Variants in NNMT observed in about 807,000 individuals in gnomAD.
NNMT encodes the protein nicotinamide N-methyltransferase.
Under a neutral mutation model 11.7 loss-of-function variants are expected in NNMT, and 10 were observed. The observed-to-expected ratio is 0.85, with a 90% CI of 0.53 to 1.45. The LOEUF is 1.45. NNMT is among the 40% of genes most tolerant of loss of function. The probability of loss-of-function intolerance (pLI) is 0.00; values close to 1 mark genes in which losing one functional copy is unlikely to be tolerated. For synonymous variants in NNMT, 143 were observed against 133.8 expected, an observed-to-expected ratio of 1.07 and a Z score of -0.48; for missense variants, 381 against 319.4, an observed-to-expected ratio of 1.19 and a Z score of -1.47.
upstream of NNMT, among the ~76,000 whole-genome samples, chr11:114,295,140 G>A (rs554819061): frequency 2.8e-4 from 42 of 152,286 alleles, 1 homozygote; most frequent in African/African-American, 9.1e-4. Flanking sequence ...TTGAGGAATG[G>A]GCCAACTGGT....
At chr11:114,277,876 G>A (rs1326325643) in intron 2 of NNMT, among the ~76,000 whole-genome samples, 1 of 152,146 alleles carries the variant, frequency 6.6e-6, no homozygotes, top group South Asian at 2.1e-4. Flanking sequence ...GCCCAGGGTT[G>A]GTCCTCATGC....
Position 114,296,515 on chromosome 11 carries a change from G to T in NNMT, c.-42G>T. The T allele has an allele frequency of 6.2e-7, 1 of 1,601,146 alleles. No individual in the cohort carries two copies. Among genetic ancestry groups the T allele is most frequent in the South Asian group, 1.1e-5 (1 of 89,910 alleles). On this transcript the variant is annotated 5_prime_UTR_variant, in exon 1 of 3. Coordinates refer to ENST00000299964, the MANE Select transcript of NNMT (RefSeq NM_006169.3). ...GTCACTCCCTGGCTTCTGGAGGAAA[G>T]AGAAGGAGGGCAGTGCTCCAGTGGT...
chr11:114,280,995 G>A (rs1945257589), intron 2 of NNMT, among the ~76,000 whole-genome samples: 1 of 152,186 alleles, frequency 6.6e-6, no homozygotes, highest in Non-Finnish European at 1.5e-5. Flanking sequence ...TCTACATGTT[G>A]CCTCACCTCC....
At chr11:114,305,878 T>C (rs1172707971) in intron 2 of NNMT, among the ~76,000 whole-genome samples, 3 of 152,190 alleles carry the variant, frequency 2.0e-5, no homozygotes, top group African/African-American at 7.2e-5. Flanking sequence ...ATGGGATGGC[T>C]GGGTCAAATG....
At chr11:114,272,659 C>G (rs1355979632) in intron 2 of NNMT, among the ~76,000 whole-genome samples, 1 of 152,170 alleles carries the variant, frequency 6.6e-6, no homozygotes, top group Non-Finnish European at 1.5e-5. Flanking sequence ...TAGGAAGCCT[C>G]TCTCCACCTG....
At chr11:114,309,163 T>C (rs1045565530) in intron 2 of NNMT, among the ~76,000 whole-genome samples, 1 of 152,250 alleles carries the variant, frequency 6.6e-6, no homozygotes, top group African/African-American at 2.4e-5. Flanking sequence ...CACTTTATTA[T>C]TATTCCTATG....
intron 2 of NNMT, among the ~76,000 whole-genome samples, chr11:114,307,065 C>A (rs1035916377): frequency 6.6e-6 from 1 of 152,084 alleles, no homozygotes; most frequent in African/African-American, 2.4e-5. Flanking sequence ...TCAGTGATAC[C>A]TAGGAAACAT....
rs11415162 is a variant in NNMT, at chr11:114,284,764, C to CTTTT, written c.-129-11643_-129-11640dup. ...GGCGTGAGCCACTGCACCCGGCCAT[C>CTTTT]TTTTTTTTTTTTTTTTTTTTTTTTG... On this transcript the variant is annotated intron_variant, in intron 2 of 4. Coordinates refer to the NNMT transcript ENST00000535401. Among the ~76,000 whole-genome samples the CTTTT allele has an allele frequency of 3.2e-4, 29 of 90,366 alleles. 3 individuals carry two copies. The highest frequency in any genetic ancestry group is 1.1e-3 in the South Asian group (2 of 1,862). The allele number at this position is 90,366 out of a possible 152,430, so 59.3% of individuals were successfully genotyped here.
chr11:114,299,265 A>G (rs1427903834), intron 2 of NNMT, among the ~76,000 whole-genome samples: 1 of 152,214 alleles, frequency 6.6e-6, no homozygotes, highest in Non-Finnish European at 1.5e-5. Flanking sequence ...TTGGTTTTTC[A>G]TAGATATTAT....
chr11:114,298,350 G>A, intron 2 of NNMT, 192 bp downstream of exon 2: 1 of 576,584 alleles, frequency 1.7e-6, no homozygotes, highest in South Asian at 2.0e-5. Context: ...ACGTGCATGT[G>A]TGCACCAGAG....
At chr11:114,298,743 C>T (rs1051332472) in intron 2 of NNMT, among the ~76,000 whole-genome samples, 2 of 152,192 alleles carry the variant, frequency 1.3e-5, no homozygotes, top group African/African-American at 4.8e-5. Context: ...ATACTTACAA[C>T]TAATGGTCAA....
chr11:114,302,401 A>G (rs944530820), intron 2 of NNMT, among the ~76,000 whole-genome samples: 4 of 152,158 alleles, frequency 2.6e-5, no homozygotes, highest in Admixed American at 2.0e-4. Flanking sequence ...CATCCTTGAC[A>G]TATCTATTGT....
At chr11:114,284,552 C>A (rs551478467) in intron 2 of NNMT, among the ~76,000 whole-genome samples, 1 of 152,268 alleles carries the variant, frequency 6.6e-6, no homozygotes, top group Admixed American at 6.5e-5. Flanking sequence ...CAACCTCCGC[C>A]TCCTGGGTTC....
chr11:114,262,268 C>T (rs965899629), intron 1 of NNMT, among the ~76,000 whole-genome samples: 7 of 152,084 alleles, frequency 4.6e-5, no homozygotes, highest in Admixed American at 1.3e-4. Flanking sequence ...GGCAAACATG[C>T]GCCTTGGTGG....
At chr11:114,311,885 C>A (rs3741303) in intron 2 of NNMT, among the ~76,000 whole-genome samples, 160 bp from the exon 3 acceptor site, 2 of 152,082 alleles carry the variant, frequency 1.3e-5, no homozygotes, top group African/African-American at 4.8e-5. Context: ...CATTCAAATG[C>A]CAAAATGACC....
At chr11:114,277,514 TAGC>T (rs1370797124) in intron 2 of NNMT, among the ~76,000 whole-genome samples, 2 of 152,078 alleles carry the variant, frequency 1.3e-5, no homozygotes, top group Non-Finnish European at 2.9e-5. Flanking sequence ...TTGAAGGAAG[TAGC>T]AGCACATTGG....
intron 2 of NNMT, among the ~76,000 whole-genome samples, chr11:114,271,278 C>T (rs1299857370): frequency 1.3e-5 from 2 of 152,068 alleles, no homozygotes; most frequent in African/African-American, 4.8e-5. Context: ...ATGTTGCAAC[C>T]TTTTAAAATC....
At chr11:114,299,781 C>T (rs1482801885) in intron 2 of NNMT, among the ~76,000 whole-genome samples, 1 of 140,136 alleles carries the variant, frequency 7.1e-6, no homozygotes, top group Non-Finnish European at 1.6e-5. Context: ...TCTTGGTTGT[C>T]AACTTTATTG....
At chr11:114,302,667 T>C (rs1227405846) in intron 2 of NNMT, among the ~76,000 whole-genome samples, 1 of 152,204 alleles carries the variant, frequency 6.6e-6, no homozygotes, top group African/African-American at 2.4e-5. Flanking sequence ...CATAAGTCAG[T>C]ATACAGTTTT....
Sources: gnomAD v4.1 joint callset for allele counts (sites outside exome capture counted in the v4.1 genomes callset) on GRCh38, gnomAD v4.1.1 for gene constraint, MANE v1.5 for transcripts, NCBI Gene and HGNC (gene_info 2026-07-23, HGNC 2026-07-21) for gene names.